Variants in WDFY4 observed in about 807,000 individuals in gnomAD.
WDFY4 encodes WD repeat- and FYVE domain-containing protein 4.
Under a neutral mutation model 351.9 loss-of-function variants are expected in WDFY4, and 169 were observed. That is an observed-to-expected ratio of 0.48 (90% CI 0.42 to 0.55). WDFY4 has a LOEUF of 0.55. Ranked by LOEUF, WDFY4 falls within the 20% of genes least tolerant of loss-of-function variation. The pLI is 0.00. For missense variants in WDFY4, 3,803 were observed against 3,935.6 expected (o/e 0.97, Z 0.90); for synonymous variants, 1,622 against 1,574.6 (o/e 1.03, Z -0.71).
intron 12 of WDFY4, among the ~76,000 whole-genome samples, chr10:48,744,800 G>A (rs1201817036): frequency 6.8e-6 from 1 of 146,724 alleles, no homozygotes; most frequent in African/African-American, 2.4e-5. Flanking sequence ...TTTGCAAGCT[G>A]ATTTTCCCAT....
intron 39 of WDFY4, among the ~76,000 whole-genome samples, chr10:48,856,602 T>C (rs1044205261): frequency 2.2e-4 from 33 of 152,174 alleles, no homozygotes; most frequent in African/African-American, 7.7e-4. Flanking sequence ...TTTGATACTA[T>C]ACCAAAACTC....
intron 39 of WDFY4, among the ~76,000 whole-genome samples, chr10:48,833,553 GA>G (rs2068271964): frequency 6.6e-6 from 1 of 152,210 alleles, no homozygotes; most frequent in Admixed American, 6.5e-5. Flanking sequence ...AAGTTCAAGG[GA>G]AGGGAAATAG....
intron 49 of WDFY4, 74 bp downstream of exon 49, chr10:48,943,523 T>C (rs963099228): frequency 6.8e-7 from 1 of 1,472,256 alleles, no homozygotes; most frequent in Non-Finnish European, 9.1e-7. Flanking sequence ...TAAGTCAGCA[T>C]GCAGAGCCTC....
intron 13 of WDFY4, among the ~76,000 whole-genome samples, chr10:48,773,226 G>T: frequency 6.6e-6 from 1 of 152,216 alleles, no homozygotes; most frequent in Non-Finnish European, 1.5e-5. Context: ...CCATTGTGGA[G>T]GGCAGTTCTG....
At chr10:48,725,777 A>T (rs2132304945) in intron 5 of WDFY4, 104 bp from the exon 6 acceptor site, 1 of 1,191,970 alleles carries the variant, frequency 8.4e-7, no homozygotes, top group Non-Finnish European at 1.2e-6. Context: ...TCCTTCTCAC[A>T]GAGACATGCT....
chr10:48,978,902 C>G (rs2131880469), intron 60 of WDFY4: 2 of 152,772 alleles, frequency 1.3e-5, no homozygotes, highest in South Asian at 4.1e-4. Context: ...CTGTGATCAT[C>G]CATAGGAGAG....
At chr10:48,815,887 T>C (rs1565230698) in intron 31 of WDFY4, among the ~76,000 whole-genome samples, 1 of 152,272 alleles carries the variant, frequency 6.6e-6, no homozygotes, top group African/African-American at 2.4e-5. Context: ...TAGTCTGCAA[T>C]TTAGTTTTTG....
At chr10:48,795,491 G>GTATGTATA (rs1555013905) in intron 23 of WDFY4, among the ~76,000 whole-genome samples, 6 of 101,240 alleles carry the variant, frequency 5.9e-5, no homozygotes, top group African/African-American at 2.7e-4. Flanking sequence ...GTGTGTGTCT[G>GTATGTATA]TATATATATA....
intron 39 of WDFY4, among the ~76,000 whole-genome samples, chr10:48,846,414 T>A (rs2068777865): frequency 6.6e-6 from 1 of 152,224 alleles, no homozygotes; most frequent in African/African-American, 2.4e-5. Context: ...AGTCATTTTC[T>A]CATTTACTCC....
At chr10:48,771,841 A>G (rs2065875631) in intron 13 of WDFY4, among the ~76,000 whole-genome samples, 2 of 152,200 alleles carry the variant, frequency 1.3e-5, no homozygotes, top group Non-Finnish European at 2.9e-5. Context: ...TTCTTGTTTG[A>G]GAAAGAATAG....
rs181034114 is a variant in WDFY4 at position 48,824,611 on chromosome 10, T to A, written c.5983-2060T>A. On this transcript the variant is annotated intron_variant, in intron 35 of 61. Coordinates refer to ENST00000325239, the MANE Select transcript of WDFY4 (RefSeq NM_001394531.1). ...AATAGAGGCTTGAAAGTAGAGGAAA[T>A]GAGTCCTATTAGAATTTCAGGTCAT... Among the ~76,000 whole-genome samples, 835 of 152,254 alleles carry A rather than the reference T, an allele frequency of 5.5e-3. 3 individuals are homozygous for A. Among genetic ancestry groups the A allele is most frequent in the African/African-American group, 0.019 (808 of 41,532 alleles).
intron 1 of WDFY4, among the ~76,000 whole-genome samples, chr10:48,689,390 A>T (rs12241103): frequency 0.27 from 41,007 of 152,166 alleles, 5,688 homozygotes; most frequent in Middle Eastern, 0.37. Context: ...GTGAATTGAG[A>T]TGCACTGTAA....
intron 58 of WDFY4, 134 bp downstream of exon 58, chr10:48,975,175 C>A: frequency 1.7e-6 from 2 of 1,205,698 alleles, no homozygotes; most frequent in Non-Finnish European, 2.4e-6. Context: ...TTGTGTGGAA[C>A]AGTCGCTGTA....
chr10:48,781,327 G>A (rs947820375), intron 19 of WDFY4, among the ~76,000 whole-genome samples: 1 of 150,152 alleles, frequency 6.7e-6, no homozygotes, highest in Non-Finnish European at 1.5e-5. Context: ...ATAGGATTTC[G>A]CTCTTGTCGC....
intron 12 of WDFY4, among the ~76,000 whole-genome samples, chr10:48,743,869 G>T (rs1364828583): frequency 3.3e-5 from 5 of 152,104 alleles, no homozygotes; most frequent in African/African-American, 1.2e-4. Flanking sequence ...TGGTGCCTGG[G>T]CCTGGCATCC....
chr10:48,889,577 C>G (rs527970845), intron 43 of WDFY4, among the ~76,000 whole-genome samples: 1 of 152,100 alleles, frequency 6.6e-6, no homozygotes, highest in African/African-American at 2.4e-5. Flanking sequence ...AAAATGCTGG[C>G]CTCGGCCTTA....
At chr10:48,964,977 A>G (rs1045167379) in intron 54 of WDFY4, among the ~76,000 whole-genome samples, 2 of 152,132 alleles carry the variant, frequency 1.3e-5, no homozygotes, top group Non-Finnish European at 2.9e-5. Context: ...AGGTAAAGGG[A>G]ATATGAGGAA....
chr10:48,763,036 C>G (rs2065558218), intron 13 of WDFY4, among the ~76,000 whole-genome samples: 1 of 152,170 alleles, frequency 6.6e-6, no homozygotes, highest in Non-Finnish European at 1.5e-5. Flanking sequence ...ACATTTGACC[C>G]CTAAATCCCA....
chr10:48,957,425 C>T, intron 52 of WDFY4, 143 bp downstream of exon 52: 1 of 1,093,156 alleles, frequency 9.1e-7, no homozygotes, highest in South Asian at 1.6e-5. Context: ...CACTGGGCAG[C>T]AGTGCCCAGA....
Sources: allele counts gnomAD v4.1 joint callset (sites outside exome capture counted in the v4.1 genomes callset), GRCh38; gene constraint gnomAD v4.1.1; transcripts MANE v1.5; gene names NCBI Gene and HGNC (gene_info 2026-07-23, HGNC 2026-07-21).